Variants in MEIOB observed in about 807,000 individuals in gnomAD.
MEIOB encodes the protein meiosis-specific with OB domain-containing protein.
A neutral mutation model predicts 53.1 loss-of-function variants in MEIOB; 50 were observed. The observed-to-expected ratio is 0.94, with a 90% CI of 0.75 to 1.19. MEIOB has a LOEUF of 1.19. Among genes scored for constraint, MEIOB ranks in the 50% most tolerant of loss-of-function variants. The pLI is 0.00. For synonymous variants in MEIOB, 192 were observed against 182.5 expected (o/e 1.05, Z -0.42); for missense variants, 551 against 550.8 (o/e 1.00, Z 0.00).
chr16:1,868,109 G>T lies in MEIOB; in HGVS notation c.67C>A (p.Leu23Met). Residue 23 changes from leucine (L) to methionine (M), a missense_variant and splice_region_variant, in exon 2 of 14, where the codon CTG becomes ATG. Coordinates refer to ENST00000325962, the MANE Select transcript of MEIOB (RefSeq NM_001163560.3). ...LSDLQTNMAN[L>M]KVIGIVIGKT... Reference sequence around the variant, plus strand: ...ATCACCACATTATTGAAACCTACCAGATTAGCCATATTTGTCTGCAGATCT... The same window carrying T: ...ATCACCACATTATTGAAACCTACCATATTAGCCATATTTGTCTGCAGATCT... 1.3e-6 allele frequency: 2 copies of T among 1,502,214 alleles called. No individual in the cohort carries two copies. Among genetic ancestry groups the T allele is most frequent in the Non-Finnish European group, 1.8e-6 (2 of 1,106,010 alleles). 93.1% of individuals were successfully genotyped at this position (1,502,214 alleles called of 1,614,324 possible). A position where few individuals can be genotyped will look rare whatever the true frequency, so the allele number is the denominator to read the frequency against.
chr16:1,869,911 G>A (rs1377415354), intron 1 of MEIOB, among the ~76,000 whole-genome samples: 15 of 136,132 alleles, frequency 1.1e-4, no homozygotes, highest in African/African-American at 4.3e-4. Context: ...TCGCTCTGTC[G>A]CCCAGGATGG....
chr16:1,844,304 A>T (rs1235756364), intron 10 of MEIOB, among the ~76,000 whole-genome samples: 11 of 150,964 alleles, frequency 7.3e-5, no homozygotes, highest in Non-Finnish European at 1.6e-4. Flanking sequence ...TTGTATTTTT[A>T]GTAGAGACGG....
chr16:1,871,146 G>T (rs548857234), intron 1 of MEIOB, among the ~76,000 whole-genome samples: 46 of 152,062 alleles, frequency 3.0e-4, no homozygotes, highest in African/African-American at 1.1e-3. Flanking sequence ...AAATTAACAT[G>T]AACTAAAGAG....
intron 13 of MEIOB, 187 bp downstream of exon 13, chr16:1,837,597 T>C: frequency 4.9e-6 from 2 of 407,142 alleles, no homozygotes; most frequent in East Asian, 7.5e-5. Context: ...CTTTGGTAAC[T>C]CCTTTATACA....
At chr16:1,860,370 C>G (rs984147968) in intron 5 of MEIOB, 33 bp downstream of exon 5, 2 of 1,186,814 alleles carry the variant, frequency 1.7e-6, no homozygotes. Context: ...AATGATCATT[C>G]TCGCACAATC....
intron 4 of MEIOB, among the ~76,000 whole-genome samples, chr16:1,860,710 C>G (rs1280750012): frequency 2.0e-5 from 3 of 152,138 alleles, no homozygotes; most frequent in South Asian, 4.1e-4. Context: ...CAAGGGATGT[C>G]TATAGCTATA....
At chr16:1,842,445 T>C (rs1898934333) in intron 10 of MEIOB, among the ~76,000 whole-genome samples, 1 of 126,340 alleles carries the variant, frequency 7.9e-6, no homozygotes, top group African/African-American at 3.1e-5. Flanking sequence ...AGAAACACTG[T>C]CTCTACTTAA....
chr16:1,858,725 T>G (rs1899369530), intron 5 of MEIOB, among the ~76,000 whole-genome samples: 1 of 152,210 alleles, frequency 6.6e-6, no homozygotes, highest in Non-Finnish European at 1.5e-5. Context: ...CTTCTCCTCC[T>G]GCCCGTGCCC....
At chr16:1,850,234 C>T (rs185648160) in intron 9 of MEIOB, among the ~76,000 whole-genome samples, 20 of 152,250 alleles carry the variant, frequency 1.3e-4, no homozygotes, top group African/African-American at 4.6e-4. Context: ...TTTTCCAGCT[C>T]AAATTTGCCC....
At chr16:1,841,183 A>T (rs1022476499) in intron 11 of MEIOB, 1 of 151,282 alleles carries the variant, frequency 6.6e-6, no homozygotes, top group African/African-American at 2.4e-5. Flanking sequence ...CACCCAGCTA[A>T]TTTTTTGTAT....
intron 9 of MEIOB, among the ~76,000 whole-genome samples, chr16:1,849,578 A>AGAT (rs1006027531): frequency 6.7e-6 from 1 of 149,268 alleles, no homozygotes; most frequent in African/African-American, 2.5e-5. Context: ...ACAGGTTGAT[A>AGAT]GATGTAGCAA....
intron 9 of MEIOB, among the ~76,000 whole-genome samples, chr16:1,849,420 C>T (rs969127967): frequency 6.6e-6 from 1 of 151,818 alleles, no homozygotes; most frequent in African/African-American, 2.4e-5. Context: ...GTGGCGGGCA[C>T]CTGTCGTCCC....
chr16:1,840,947 C>T (rs1223857957), intron 11 of MEIOB: 1 of 151,458 alleles, frequency 6.6e-6, no homozygotes, highest in Non-Finnish European at 1.5e-5. Context: ...TAATATTACA[C>T]ATTTCTTGCC....
Position 1,845,531 on chromosome 16 carries a change from A to G in MEIOB, c.779-568T>C, listed in dbSNP as rs550552999. Among the ~76,000 whole-genome samples the G allele has an allele frequency of 1.4e-3, 213 of 152,270 alleles. 1 individual carries two copies. Among genetic ancestry groups the G allele is most frequent in the Non-Finnish European group, 2.9e-3 (194 of 68,018 alleles). On this transcript the variant is annotated intron_variant, in intron 9 of 13. Coordinates refer to ENST00000325962, the MANE Select transcript of MEIOB (RefSeq NM_001163560.3). ...CAAGACTCTGTCTAAAAAAAAAAAT[A>G]CATATATAAATGCAAAATTATCTGG...
intron 5 of MEIOB, among the ~76,000 whole-genome samples, chr16:1,859,118 A>G (rs1012909149): frequency 6.6e-6 from 1 of 152,218 alleles, no homozygotes; most frequent in South Asian, 2.1e-4. Flanking sequence ...GTAATTGACC[A>G]TTAGCGCTAC....
chr16:1,854,054 G>A (rs1262721053), intron 7 of MEIOB, 46 bp downstream of exon 7: 1 of 1,101,344 alleles, frequency 9.1e-7, no homozygotes, highest in African/African-American at 1.6e-5. Context: ...ATGTCCTGGT[G>A]ATAACTACAG....
intron 10 of MEIOB, among the ~76,000 whole-genome samples, chr16:1,843,007 TCA>T (rs75286345): frequency 1 from 148,775 of 148,784 alleles, 74,383 homozygotes; most frequent in Middle Eastern, 1. Flanking sequence ...TAAAAGTACA[TCA>T]CACAGCCAGG....
Position 1,850,573 on chromosome 16 carries a change from T to TA in MEIOB, c.778+2465dup, listed in dbSNP as rs1181570917. Among the ~76,000 whole-genome samples, 86 of 127,226 alleles carry TA rather than the reference T, an allele frequency of 6.8e-4. 1 individual carries two copies. Among genetic ancestry groups the TA allele is most frequent in the South Asian group, 5.1e-3 (20 of 3,890 alleles). The allele number at this position is 127,226 out of a possible 152,430, so 83.5% of individuals were successfully genotyped here. On this transcript the variant is annotated intron_variant, in intron 9 of 13. Coordinates refer to ENST00000325962, the MANE Select transcript of MEIOB (RefSeq NM_001163560.3). Reference sequence around the variant, plus strand: ...CCTGGGGACAGAGCAAGACTCCATTTAAAAAAAAAAAAGAATAATAAACTA... The same window carrying TA: ...CCTGGGGACAGAGCAAGACTCCATTTAAAAAAAAAAAAAGAATAATAAACTA...
rs1233362538 is a variant in MEIOB, at chr16:1,837,786, T to G, written c.1303A>C (p.Lys435Gln). The change falls in exon 13 of 14, where the codon AAA becomes CAA. Residue 435 changes from lysine (K) to glutamine (Q), a missense_variant and splice_region_variant. Lys to Gln is a moderately conservative substitution (Grantham distance 53). Transcript: ENST00000325962. ...ATGGGACTATAAAATGCACTAACTTTTAAATAAATTTTGCTTCTTTCCAAG... is the reference window on the plus strand; with the variant it reads ...ATGGGACTATAAAATGCACTAACTTGTAAATAAATTTTGCTTCTTTCCAAG... ...FLLERSKIYLKFVLSHRARSG... is the reference protein window; with the variant it reads ...FLLERSKIYLQFVLSHRARSG... The G allele has an allele frequency of 2.0e-6, 3 of 1,485,246 alleles. No individual in the cohort carries two copies. The highest frequency in any genetic ancestry group is 2.7e-6 in the Non-Finnish European group (3 of 1,095,972). The allele number at this position is 1,485,246 out of a possible 1,614,324, so 92.0% of individuals were successfully genotyped here.
Sources: allele counts gnomAD v4.1 joint callset (sites outside exome capture counted in the v4.1 genomes callset), GRCh38; gene constraint gnomAD v4.1.1; transcripts MANE v1.5; gene names NCBI Gene and HGNC (gene_info 2026-07-23, HGNC 2026-07-21).